JADE1: variants seen among roughly 807,000 people sequenced by gnomAD.
JADE1 encodes the protein jade family PHD finger 1, also known as protein Jade-1.
In JADE1, 14 loss-of-function variants were observed where a neutral mutation model predicts 81.8. The ratio of observed to expected loss-of-function variants is 0.17; its 90% CI spans 0.11 to 0.27. JADE1 has a LOEUF of 0.27. Among genes scored for constraint, JADE1 ranks in the 10% least tolerant of loss-of-function variants. The pLI is 1.00. For synonymous variants in JADE1, 353 were observed against 391.9 expected, an observed-to-expected ratio of 0.90 and a Z score of 1.17; for missense variants, 690 against 1,047.9, an observed-to-expected ratio of 0.66 and a Z score of 4.71.
chr4:128,869,167 C>T (rs1384406458), intron 10 of JADE1, among the ~76,000 whole-genome samples: 1 of 152,150 alleles, frequency 6.6e-6, no homozygotes, highest in African/African-American at 2.4e-5. Context: ...AATGCAATAA[C>T]TTGTTGATAT....
intron 2 of JADE1, among the ~76,000 whole-genome samples, chr4:128,836,066 C>T (rs1158857277): frequency 3.3e-5 from 5 of 152,102 alleles, no homozygotes; most frequent in African/African-American, 7.2e-5. Context: ...TTACGCATTG[C>T]GCCAGAGCAT....
At chr4:128,837,587 G>C (rs1729086480) in intron 2 of JADE1, among the ~76,000 whole-genome samples, 1 of 152,174 alleles carries the variant, frequency 6.6e-6, no homozygotes, top group Non-Finnish European at 1.5e-5. Context: ...ACAGTAACTA[G>C]ATTAAATTTC....
chr4:128,828,905 A>G (rs1480451796), intron 1 of JADE1, among the ~76,000 whole-genome samples: 1 of 152,102 alleles, frequency 6.6e-6, no homozygotes, highest in African/African-American at 2.4e-5. Context: ...CTGGCGTCCC[A>G]AAGTTCTAGG....
rs191382941 is a variant in JADE1, at chr4:128,826,300, C to T, written c.-26-5433C>T. Among the ~76,000 whole-genome samples, 26 of 152,254 alleles carry T rather than the reference C, an allele frequency of 1.7e-4. No individual in the cohort carries two copies. In the East Asian group the frequency reaches 2.9e-3, roughly 17 times the overall value. ...TCTGAGTTGGATTCAATCTCTGTCCCGTACTGCAAGGTCCCATTGCAGTGT... is the reference window on the plus strand; with the variant it reads ...TCTGAGTTGGATTCAATCTCTGTCCTGTACTGCAAGGTCCCATTGCAGTGT... On this transcript the variant is annotated intron_variant, in intron 1 of 10. Coordinates refer to ENST00000226319, the MANE Select transcript of JADE1 (RefSeq NM_199320.4).
intron 6 of JADE1, among the ~76,000 whole-genome samples, chr4:128,853,387 G>C (rs1730532228): frequency 6.6e-6 from 1 of 152,206 alleles, no homozygotes; most frequent in African/African-American, 2.4e-5. Flanking sequence ...TAGGGTATAA[G>C]CTGAGCTGTT....
At chr4:128,828,935 G>A (rs1472887399) in intron 1 of JADE1, among the ~76,000 whole-genome samples, 1 of 152,096 alleles carries the variant, frequency 6.6e-6, no homozygotes, top group South Asian at 2.1e-4. Context: ...GTGAGCCACC[G>A]CGACCAGCCT....
At chr4:128,819,928 T>A (rs778967534) in intron 1 of JADE1, among the ~76,000 whole-genome samples, 8 of 152,126 alleles carry the variant, frequency 5.3e-5, no homozygotes, top group African/African-American at 9.7e-5. Flanking sequence ...GGGGAACTGG[T>A]CTTTGGTTCT....
intron 2 of JADE1, among the ~76,000 whole-genome samples, chr4:128,839,337 C>G (rs1216603749): frequency 6.6e-6 from 1 of 152,188 alleles, no homozygotes; most frequent in Non-Finnish European, 1.5e-5. Flanking sequence ...GGTTCATCAG[C>G]AAAGTCTAGG....
chr4:128,810,450 G>GTTTTTTTTTTTTTTTTTTTTTTTTTTTTT (rs397880705), intron 1 of JADE1: 1 of 113,934 alleles, frequency 8.8e-6, no homozygotes, highest in Admixed American at 9.4e-5. Flanking sequence ...TAGTTTATAG[G>GTTTTTTTTTTTTTTTTTTTTTTTTTTTTT]TTTTTTTTTT....
intron 8 of JADE1, 143 bp downstream of exon 8, chr4:128,857,597 C>T (rs1258776374): frequency 4.5e-6 from 3 of 670,550 alleles, no homozygotes; most frequent in Non-Finnish European, 8.0e-6. Context: ...GGGGTGACTC[C>T]AGCCCCAGTA....
intron 3 of JADE1, among the ~76,000 whole-genome samples, chr4:128,845,874 A>G (rs1247442816): frequency 1.3e-5 from 2 of 151,644 alleles, no homozygotes; most frequent in African/African-American, 2.4e-5. Context: ...CAGGGAGCCA[A>G]GACTGTGTTA....
chr4:128,869,663 T>TG (rs1156796982), intron 10 of JADE1, among the ~76,000 whole-genome samples: 1 of 152,244 alleles, frequency 6.6e-6, no homozygotes, highest in Non-Finnish European at 1.5e-5. Flanking sequence ...TTAATAAGTC[T>TG]GGGAGTTATT....
chr4:128,838,385 A>T (rs147354215), intron 2 of JADE1, among the ~76,000 whole-genome samples: 2,703 of 152,358 alleles, frequency 0.018, 30 homozygotes, highest in Non-Finnish European at 0.031. Context: ...TGTGAATGGC[A>T]GTAAAATACT....
At chr4:128,818,697 A>G (rs1175147335) in intron 1 of JADE1, among the ~76,000 whole-genome samples, 1 of 152,198 alleles carries the variant, frequency 6.6e-6, no homozygotes, top group Non-Finnish European at 1.5e-5. Flanking sequence ...GGCAAAATGA[A>G]TGTGAAAGTG....
At chr4:128,856,719 A>G (rs920541130) in intron 7 of JADE1, among the ~76,000 whole-genome samples, 1 of 152,062 alleles carries the variant, frequency 6.6e-6, no homozygotes, top group African/African-American at 2.4e-5. Context: ...ATTTTGGTAC[A>G]TTTTCCTCTT....
Position 128,855,729 on chromosome 4 carries a change from G to C in JADE1, c.796G>C (p.Gly266Arg). 6.2e-7 allele frequency: 1 copy of C among 1,614,158 alleles called. No homozygotes were observed. The highest frequency in any genetic ancestry group is 8.5e-7 in the Non-Finnish European group (1 of 1,179,976). Reference protein sequence around the residue: ...PKCLLCPKKGGAMKPTRSGTK... With the variant: ...PKCLLCPKKGRAMKPTRSGTK... ...ATGTCTGCTGTGTCCGAAGAAGGGT[G>C]GAGCTATGAAGCCCACCCGTAGCGG... The change falls in exon 7 of 11, where the codon GGA (glycine) becomes CGA (arginine). Residue 266 changes from glycine to arginine, a missense_variant. Physicochemically the swap from Gly to Arg is moderately radical, Grantham distance 125. This residue lies in a region of JADE1 where 84 missense variants were observed against 226.6 expected (regional missense o/e 0.37). Coordinates refer to ENST00000226319, the MANE Select transcript of JADE1 (RefSeq NM_199320.4).
intron 2 of JADE1, among the ~76,000 whole-genome samples, chr4:128,840,442 A>G (rs1407861198): frequency 6.6e-6 from 1 of 152,168 alleles, no homozygotes; most frequent in African/African-American, 2.4e-5. Flanking sequence ...AACCTTTTCC[A>G]TAGTAATTCA....
chr4:128,849,243 G>T, intron 5 of JADE1, 76 bp downstream of exon 5: 1 of 1,317,732 alleles, frequency 7.6e-7, no homozygotes, highest in South Asian at 1.4e-5. Context: ...GTGAGTAGCA[G>T]AAAGCTCCTT....
At position 128,849,021 on chromosome 4, in the gene JADE1, A is replaced by G; in HGVS notation, c.338A>G (p.Lys113Arg). Residue 113 changes from lysine to arginine, a missense_variant, in exon 5 of 11, where the codon AAG becomes AGG. Lys to Arg is a conservative substitution (Grantham distance 26). Transcript: ENST00000226319. ...EEKSLMFIRP[K>R]KYIVSSGSEP... ...AAATCCCTCATGTTCATCAGGCCCA[A>G]GAAGTACATCGTGTCATCAGGCTCT... is the stretch of plus-strand genomic sequence containing the variant. 3 of 1,614,100 alleles carry G rather than the reference A, an allele frequency of 1.9e-6. No individual in the cohort carries two copies. The highest frequency in any genetic ancestry group is 2.5e-6 in the Non-Finnish European group (3 of 1,179,998).
Sources: allele counts gnomAD v4.1 joint callset (sites outside exome capture counted in the v4.1 genomes callset), GRCh38; gene constraint gnomAD v4.1.1; regional missense constraint gnomAD v4.1.1; transcripts MANE v1.5; gene names NCBI Gene and HGNC (gene_info 2026-07-23, HGNC 2026-07-21).